The following LRRTM3 variants were observed in gnomAD, a reference collection of about 807,000 sequenced individuals.
LRRTM3 encodes the protein leucine rich repeat transmembrane neuronal 3.
LRRTM3 carries 24 observed loss-of-function variants against 44.7 expected under a neutral mutation model. That is an observed-to-expected ratio of 0.54 (90% CI 0.39 to 0.76). The LOEUF (loss-of-function observed/expected upper bound fraction) is 0.76, where lower values mean the gene tolerates loss of function less well. Ranked by LOEUF, LRRTM3 falls within the 30% of genes least tolerant of loss-of-function variation. LRRTM3 has a pLI of 0.00. For missense variants in LRRTM3, 587 were observed against 702.2 expected (o/e 0.84, Z 1.85); for synonymous variants, 277 against 278.7 (o/e 0.99, Z 0.06).
In LRRTM3 at chr10:66,926,447, C is replaced by A; in HGVS notation, c.-137C>A. 1.1e-6 allele frequency: 1 copy of A among 923,254 alleles called. No homozygotes were observed. Among genetic ancestry groups the A allele is most frequent in the Non-Finnish European group, 1.7e-6 (1 of 580,244 alleles). 57.2% of individuals were successfully genotyped at this position (923,254 alleles called of 1,614,324 possible). On this transcript the variant is annotated 5_prime_UTR_variant, in exon 1 of 3. Coordinates refer to ENST00000361320, the MANE Select transcript of LRRTM3 (RefSeq NM_178011.5). ...GAATAATGTTCCAAAATCGGTCCAT[C>A]TCCCAAGGGGTCCAATTTTTCTTCC...
chr10:67,081,882 A>G lies in LRRTM3; in HGVS notation c.1537-15705A>G, dbSNP rs74710405. Among the ~76,000 whole-genome samples, 1,405 of 152,238 alleles carry G rather than the reference A, an allele frequency of 9.2e-3. 56 individuals carry two copies. The East Asian group carries it at 0.12, about 13-fold the overall frequency. On this transcript the variant is annotated intron_variant, in intron 2 of 2. Coordinates refer to ENST00000361320, the MANE Select transcript of LRRTM3 (RefSeq NM_178011.5). ...CTGGAGCCAGTATATAGCCCTGTTT[A>G]TTCACTAGTTTACTCACTAGTTATG...
At chr10:66,931,192 TAAAAA>T (rs3056552) in intron 2 of LRRTM3, among the ~76,000 whole-genome samples, 1 of 118,712 alleles carries the variant, frequency 8.4e-6, no homozygotes, top group South Asian at 2.9e-4. Context: ...TGACAACAGT[TAAAAA>T]AAAAAAAAAA....
Position 67,099,772 on chromosome 10 carries a change from C to A in LRRTM3, c.*1976C>A, listed in dbSNP as rs1353043088. 1 of 152,018 alleles carries A rather than the reference C, an allele frequency of 6.6e-6. No individual in the cohort carries two copies. The highest frequency in any genetic ancestry group is 1.5e-5 in the Non-Finnish European group (1 of 67,754). 9.4% of individuals were successfully genotyped at this position (152,018 alleles called of 1,614,324 possible). On this transcript the variant is annotated 3_prime_UTR_variant, in exon 3 of 3. Coordinates refer to ENST00000361320, the MANE Select transcript of LRRTM3 (RefSeq NM_178011.5). ...ACATATTTTGCATAAATTATTTGCTCTTCAAAAATTTTTGTCATTTTAAAT... is the reference window on the plus strand; with the variant it reads ...ACATATTTTGCATAAATTATTTGCTATTCAAAAATTTTTGTCATTTTAAAT...
intron 2 of LRRTM3, among the ~76,000 whole-genome samples, chr10:67,087,315 G>A (rs543881609): frequency 7.9e-5 from 12 of 152,104 alleles, no homozygotes; most frequent in African/African-American, 2.6e-4. Flanking sequence ...AACTCCTGGA[G>A]ATCATGAGCA....
chr10:66,956,820 G>A (rs1209869197), intron 2 of LRRTM3, among the ~76,000 whole-genome samples: 1 of 152,204 alleles, frequency 6.6e-6, no homozygotes, highest in Non-Finnish European at 1.5e-5. Context: ...AGGCTCAACA[G>A]TAACCAATAT....
chr10:66,964,293 C>T (rs77756103), intron 2 of LRRTM3, among the ~76,000 whole-genome samples: 8 of 148,616 alleles, frequency 5.4e-5, no homozygotes, highest in Non-Finnish European at 1.0e-4. Flanking sequence ...TTTTTTTTTC[C>T]GCATTTCAAT....
At chr10:67,004,247 T>G (rs1851846791) in intron 2 of LRRTM3, among the ~76,000 whole-genome samples, 1 of 152,194 alleles carries the variant, frequency 6.6e-6, no homozygotes, top group Non-Finnish European at 1.5e-5. Context: ...AGAAAGATTT[T>G]TGCTTTAAAA....
intron 2 of LRRTM3, chr10:67,012,423 A>G (rs1167120987): frequency 6.6e-6 from 1 of 152,216 alleles, no homozygotes; most frequent in Non-Finnish European, 1.5e-5. Flanking sequence ...ATTATTTGAT[A>G]TAATATAAAT....
chr10:66,977,166 C>T (rs1300271710), intron 2 of LRRTM3, among the ~76,000 whole-genome samples: 4 of 152,040 alleles, frequency 2.6e-5, no homozygotes, highest in Admixed American at 1.3e-4. Context: ...TGGCCGGGCA[C>T]GGTGGCTTAC....
chr10:66,965,467 A>G (rs1382443849), intron 2 of LRRTM3, among the ~76,000 whole-genome samples: 2 of 151,270 alleles, frequency 1.3e-5, no homozygotes, highest in East Asian at 3.9e-4. Flanking sequence ...CTGGGGAGGC[A>G]GAGGTTGCAG....
chr10:66,977,221 G>A (rs1005371249), intron 2 of LRRTM3, among the ~76,000 whole-genome samples: 6 of 151,958 alleles, frequency 3.9e-5, no homozygotes, highest in African/African-American at 1.5e-4. Context: ...GGTGGATCAC[G>A]AAGTCAAGAG....
At chr10:67,040,649 T>C (rs1471676568) in intron 2 of LRRTM3, among the ~76,000 whole-genome samples, 3 of 152,088 alleles carry the variant, frequency 2.0e-5, no homozygotes, top group Non-Finnish European at 4.4e-5. Flanking sequence ...GGTGACATTA[T>C]TAAGATGATG....
rs1376092802 is a variant in LRRTM3 at position 67,097,591 on chromosome 10, C to G, written c.1541C>G (p.Pro514Arg). The G allele has an allele frequency of 2.5e-6, 4 of 1,611,750 alleles. No homozygotes were observed. The highest frequency in any genetic ancestry group is 3.4e-6 in the Non-Finnish European group (4 of 1,178,590). The change falls in exon 3 of 3, where the codon CCT becomes CGT. Residue 514 changes from proline to arginine, a missense_variant. Coordinates refer to ENST00000361320, the MANE Select transcript of LRRTM3 (RefSeq NM_178011.5). The stretch of plus-strand genomic sequence containing the variant: ...TCTCATGTCATTTTTCCCCAGATAC[C>G]TTTATCAATGAATGTGTCAACCTTT... ...NKSGSRECEI[P>R]LSMNVSTFLA...
chr10:67,064,866 T>C (rs534340765), intron 2 of LRRTM3, among the ~76,000 whole-genome samples: 43 of 152,332 alleles, frequency 2.8e-4, no homozygotes, highest in Non-Finnish European at 4.9e-4. Flanking sequence ...AATTTATATG[T>C]AAGTATTTGC....
At chr10:66,943,306 A>G (rs1848112428) in intron 2 of LRRTM3, among the ~76,000 whole-genome samples, 1 of 152,202 alleles carries the variant, frequency 6.6e-6, no homozygotes, top group African/African-American at 2.4e-5. Context: ...TTAGTTAGTT[A>G]ATGACTTTGA....
At chr10:67,073,220 A>G (rs556895564) in intron 2 of LRRTM3, among the ~76,000 whole-genome samples, 6 of 152,336 alleles carry the variant, frequency 3.9e-5, no homozygotes, top group African/African-American at 1.4e-4. Context: ...AACTGGTCCT[A>G]TGACCTACTT....
At chr10:67,018,839 C>T (rs534234382) in intron 2 of LRRTM3, among the ~76,000 whole-genome samples, 2 of 152,286 alleles carry the variant, frequency 1.3e-5, no homozygotes, top group South Asian at 2.1e-4. Flanking sequence ...ATTATTACTA[C>T]CCAGGCATTC....
intron 2 of LRRTM3, among the ~76,000 whole-genome samples, chr10:66,938,486 T>TATTA (rs1418432919): frequency 1.3e-5 from 2 of 152,186 alleles, no homozygotes; most frequent in African/African-American, 4.8e-5. Context: ...AAAATATATT[T>TATTA]ATTATTCATT....
intron 2 of LRRTM3, among the ~76,000 whole-genome samples, chr10:66,946,829 C>G (rs778075784): frequency 1.3e-5 from 2 of 152,082 alleles, no homozygotes; most frequent in Non-Finnish European, 2.9e-5. Flanking sequence ...TACGTATGTA[C>G]TTGGAAGTTC....
Sources: gnomAD v4.1 joint callset for allele counts (sites outside exome capture counted in the v4.1 genomes callset) on GRCh38, gnomAD v4.1.1 for gene constraint, MANE v1.5 for transcripts, NCBI Gene and HGNC (gene_info 2026-07-23, HGNC 2026-07-21) for gene names.